Variants in TAFA1 observed in about 807,000 individuals in gnomAD.
The protein encoded by TAFA1 is TAFA chemokine like family member 1.
TAFA1 carries 4 observed loss-of-function variants against 18.5 expected under a neutral mutation model. The observed-to-expected ratio is 0.22, with a 90% confidence interval of 0.11 to 0.49. The LOEUF is 0.49. Ranked by LOEUF, TAFA1 falls within the 20% of genes least tolerant of loss-of-function variation. The pLI is 0.98. For missense variants in TAFA1, 147 were observed against 169.0 expected (o/e 0.87, Z 0.72); for synonymous variants, 56 against 55.2 (o/e 1.01, Z -0.06).
intron 2 of TAFA1, among the ~76,000 whole-genome samples, chr3:68,360,303 T>C (rs575162278): frequency 6.6e-6 from 1 of 152,106 alleles, no homozygotes; most frequent in East Asian, 1.9e-4. Flanking sequence ...ACTTTTATGA[T>C]TAACAATTTA....
chr3:68,493,219 C>G (rs1219504699), intron 3 of TAFA1, among the ~76,000 whole-genome samples: 5 of 152,202 alleles, frequency 3.3e-5, no homozygotes, highest in Admixed American at 2.6e-4. Context: ...TGAAAGTAGT[C>G]AAATATAAGC....
At chr3:67,998,143 T>C in the TAFA1 span, among the ~76,000 whole-genome samples, 1 of 152,176 alleles carries the variant, frequency 6.6e-6, no homozygotes, top group Non-Finnish European at 1.5e-5. Flanking sequence ...GTTAGAAGTA[T>C]GTACACTTAA....
chr3:68,451,515 A>T (rs1279896577), intron 3 of TAFA1, among the ~76,000 whole-genome samples: 1 of 152,182 alleles, frequency 6.6e-6, no homozygotes, highest in Non-Finnish European at 1.5e-5. Context: ...TCACAAAGGA[A>T]AAAAAGGCTA....
chr3:68,259,289 T>C (rs2067361497), intron 2 of TAFA1, among the ~76,000 whole-genome samples: 1 of 152,188 alleles, frequency 6.6e-6, no homozygotes, highest in South Asian at 2.1e-4. Flanking sequence ...GTAACACTTG[T>C]GGAACTCCAC....
chr3:68,099,273 T>C (rs2065120908), intron 2 of TAFA1, among the ~76,000 whole-genome samples: 1 of 152,170 alleles, frequency 6.6e-6, no homozygotes, highest in Non-Finnish European at 1.5e-5. Context: ...GAAGGTCTAA[T>C]ATCCAGAATC....
At chr3:68,074,034 AG>A (rs1358250176) in intron 2 of TAFA1, among the ~76,000 whole-genome samples, 1 of 152,156 alleles carries the variant, frequency 6.6e-6, no homozygotes, top group Non-Finnish European at 1.5e-5. Context: ...AATCAGTGGG[AG>A]GCCTGAGCTT....
At chr3:68,236,625 G>A (rs1321929848) in intron 2 of TAFA1, among the ~76,000 whole-genome samples, 2 of 152,226 alleles carry the variant, frequency 1.3e-5, no homozygotes, top group African/African-American at 2.4e-5. Context: ...CTGTTAACCC[G>A]AATATTCCAA....
At chr3:68,092,758 C>T in intron 2 of TAFA1, among the ~76,000 whole-genome samples, 1 of 152,096 alleles carries the variant, frequency 6.6e-6, no homozygotes, top group East Asian at 1.9e-4. Flanking sequence ...ACCAGAATAG[C>T]AATCGCACTC....
chr3:68,267,742 T>C (rs2067576496), intron 2 of TAFA1, among the ~76,000 whole-genome samples: 1 of 152,198 alleles, frequency 6.6e-6, no homozygotes, highest in South Asian at 2.1e-4. Context: ...ATGTTTTAAC[T>C]TTTCAAGTCT....
intron 3 of TAFA1, among the ~76,000 whole-genome samples, chr3:68,422,164 G>T (rs1431421037): frequency 6.6e-6 from 1 of 152,074 alleles, no homozygotes; most frequent in Non-Finnish European, 1.5e-5. Context: ...TGGATGGCTT[G>T]TTTCACTTAA....
chr3:68,463,546 A>G (rs1423408592), intron 3 of TAFA1, among the ~76,000 whole-genome samples: 1 of 152,010 alleles, frequency 6.6e-6, no homozygotes, highest in Non-Finnish European at 1.5e-5. Flanking sequence ...GTGTTGTGTA[A>G]CTTCTCTACT....
intron 3 of TAFA1, among the ~76,000 whole-genome samples, chr3:68,441,169 C>T (rs918359058): frequency 2.0e-5 from 3 of 152,154 alleles, no homozygotes; most frequent in Non-Finnish European, 2.9e-5. Context: ...GGGTGTGTTA[C>T]TCTAGTCCAT....
chr3:68,430,594 A>G (rs771567516), intron 3 of TAFA1, among the ~76,000 whole-genome samples: 7 of 151,972 alleles, frequency 4.6e-5, no homozygotes, highest in African/African-American at 1.2e-4. Flanking sequence ...AGAGCCCTCT[A>G]TAGAGACAAA....
intron 2 of TAFA1, among the ~76,000 whole-genome samples, chr3:68,358,283 T>A (rs1216927169): frequency 6.6e-6 from 1 of 151,936 alleles, no homozygotes; most frequent in Non-Finnish European, 1.5e-5. Context: ...ATCCTGGAGA[T>A]CTTCATGTCA....
chr3:68,019,274 G>A (rs1253436288), intron 2 of TAFA1, among the ~76,000 whole-genome samples: 2 of 152,178 alleles, frequency 1.3e-5, no homozygotes, highest in Non-Finnish European at 2.9e-5. Flanking sequence ...CTGGCTGAAA[G>A]CATGGTTTTT....
At chr3:68,162,265 A>C (rs867469826) in intron 2 of TAFA1, among the ~76,000 whole-genome samples, 2 of 152,186 alleles carry the variant, frequency 1.3e-5, no homozygotes, top group South Asian at 2.1e-4. Context: ...GTTTTGTAGA[A>C]GAAAATTTTT....
At chr3:68,370,697 C>T (rs2069688045) in intron 2 of TAFA1, among the ~76,000 whole-genome samples, 1 of 147,824 alleles carries the variant, frequency 6.8e-6, no homozygotes, top group Non-Finnish European at 1.5e-5. Flanking sequence ...CTTCATGAAA[C>T]TACATATAAG....
At chr3:68,370,470 GT>G (rs2069675385) in intron 2 of TAFA1, among the ~76,000 whole-genome samples, 1 of 31,172 alleles carries the variant, frequency 3.2e-5, no homozygotes, top group East Asian at 9.5e-4. Flanking sequence ...GTGTGTGTGT[GT>G]GTATATATAT....
intron 2 of TAFA1, among the ~76,000 whole-genome samples, chr3:68,054,284 G>A (rs979359098): frequency 6.6e-6 from 1 of 152,058 alleles, no homozygotes; most frequent in Non-Finnish European, 1.5e-5. Flanking sequence ...GGGGAGTAGG[G>A]AGGGTAGTGA....
Sources: allele counts gnomAD v4.1 joint callset (sites outside exome capture counted in the v4.1 genomes callset), GRCh38; gene constraint gnomAD v4.1.1; transcripts MANE v1.5; gene names NCBI Gene and HGNC (gene_info 2026-07-23, HGNC 2026-07-21).